AKR1E2: variants seen among roughly 807,000 people sequenced by gnomAD.
The protein encoded by AKR1E2 is aldo-keto reductase family 1 member E2.
Under a neutral mutation model 41.9 loss-of-function variants are expected in AKR1E2, and 43 were observed. That is an observed-to-expected ratio of 1.03 (90% CI 0.80 to 1.32). AKR1E2 has a LOEUF of 1.32. Among genes scored for constraint, AKR1E2 ranks in the 40% most tolerant of loss-of-function variants. The pLI, the probability that AKR1E2 is intolerant of heterozygous loss-of-function variation, is 0.00. For synonymous variants in AKR1E2, 121 were observed against 138.9 expected, an observed-to-expected ratio of 0.87 and a Z score of 0.91; for missense variants, 423 against 396.5, an observed-to-expected ratio of 1.07 and a Z score of -0.57.
chr10:4,840,403 G>C (rs1203401505), intron 6 of AKR1E2, among the ~76,000 whole-genome samples: 1 of 152,240 alleles, frequency 6.6e-6, no homozygotes, highest in Non-Finnish European at 1.5e-5. Flanking sequence ...CCTTAGTTAA[G>C]TAGCATTCCC....
intron 9 of AKR1E2, 118 bp downstream of exon 9, chr10:4,847,348 C>A (rs1007010762): frequency 1.9e-6 from 3 of 1,550,662 alleles, no homozygotes; most frequent in Admixed American, 1.9e-5. Flanking sequence ...CATTATAATT[C>A]TTTCCTGTTT....
chr10:4,866,900 G>A, the AKR1E2 span, among the ~76,000 whole-genome samples: 34,147 of 151,880 alleles, frequency 0.22, 4,058 homozygotes, highest in Middle Eastern at 0.35. Flanking sequence ...GAGTGGGGCC[G>A]GCTGATCCAT....
the AKR1E2 span, among the ~76,000 whole-genome samples, chr10:4,867,147 A>G: frequency 6.6e-6 from 1 of 152,112 alleles, no homozygotes; most frequent in Non-Finnish European, 1.5e-5. Flanking sequence ...TCAACCTACC[A>G]TCAGGAATGA....
chr10:4,828,328 G>A (rs2961569), intron 1 of AKR1E2, among the ~76,000 whole-genome samples: 131,812 of 152,148 alleles, frequency 0.87, 58,773 homozygotes, highest in East Asian at 0.98. Context: ...CAAGGGGAGC[G>A]GTGAGATGTC....
chr10:4,861,090 C>T, the AKR1E2 span, among the ~76,000 whole-genome samples: 1 of 152,154 alleles, frequency 6.6e-6, no homozygotes, highest in Non-Finnish European at 1.5e-5. Context: ...TCAAAACTTA[C>T]AAAACATTTT....
chr10:4,854,839 G>C, the AKR1E2 span, among the ~76,000 whole-genome samples: 2 of 149,786 alleles, frequency 1.3e-5, no homozygotes, highest in African/African-American at 2.4e-5. Context: ...TGGGTTAGAG[G>C]CCCAACTAAG....
the AKR1E2 span, among the ~76,000 whole-genome samples, chr10:4,854,442 G>A: frequency 1.3e-5 from 2 of 152,086 alleles, no homozygotes; most frequent in Non-Finnish European, 2.9e-5. Flanking sequence ...CTGTGGACTT[G>A]CCCTGAATTC....
chr10:4,852,688 T>C (rs538815925), downstream of AKR1E2, among the ~76,000 whole-genome samples: 3 of 152,306 alleles, frequency 2.0e-5, no homozygotes, highest in Non-Finnish European at 4.4e-5. Context: ...CAGAGATGGA[T>C]TGGCAAGGTC....
At chr10:4,837,371 T>G in intron 4 of AKR1E2, 88 bp from the exon 5 acceptor site, 1 of 1,487,380 alleles carries the variant, frequency 6.7e-7, no homozygotes, top group South Asian at 1.4e-5. Context: ...CCAACCAGTT[T>G]TAGAATACCA....
the AKR1E2 span, among the ~76,000 whole-genome samples, chr10:4,859,351 C>T: frequency 1.0e-3 from 155 of 152,262 alleles, no homozygotes; most frequent in Middle Eastern, 3.4e-3. Context: ...ATATGTGCTA[C>T]GACTACATTC....
the AKR1E2 span, among the ~76,000 whole-genome samples, chr10:4,870,460 G>A: frequency 4.0e-5 from 6 of 150,546 alleles, no homozygotes; most frequent in Admixed American, 3.3e-4. Context: ...TACTTTAGCC[G>A]TTATTTTAGG....
intron 8 of AKR1E2, among the ~76,000 whole-genome samples, chr10:4,844,443 C>A (rs111518399): frequency 6.6e-6 from 1 of 152,164 alleles, no homozygotes; most frequent in South Asian, 2.1e-4. Flanking sequence ...TGGAAGGGGA[C>A]GGGAGTGGGT....
the AKR1E2 span, among the ~76,000 whole-genome samples, chr10:4,853,096 G>A: frequency 2.6e-5 from 4 of 152,148 alleles, no homozygotes; most frequent in Non-Finnish European, 4.4e-5. Flanking sequence ...AAAGCAATGG[G>A]GAAAGTAAGC....
the AKR1E2 span, among the ~76,000 whole-genome samples, chr10:4,870,354 C>T: frequency 3.9e-5 from 6 of 152,118 alleles, no homozygotes; most frequent in South Asian, 2.1e-4. Context: ...CAATCTACTG[C>T]GTTTACCCAT....
chr10:4,866,610 G>C, the AKR1E2 span, among the ~76,000 whole-genome samples: 118 of 151,456 alleles, frequency 7.8e-4, 2 homozygotes, highest in African/African-American at 2.5e-3. Flanking sequence ...CAGTCTCTCG[G>C]AGCATTCAGG....
At chr10:4,871,940 TGAAAAG>T in the AKR1E2 span, 1 of 149,626 alleles carries the variant, frequency 6.7e-6, no homozygotes, top group Admixed American at 6.7e-5. Flanking sequence ...TGAGAAAAGC[TGAAAAG>T]GAAAGGGAAA....
At chr10:4,833,832 G>A (rs1446691521) in intron 3 of AKR1E2, among the ~76,000 whole-genome samples, 1 of 152,194 alleles carries the variant, frequency 6.6e-6, no homozygotes, top group Non-Finnish European at 1.5e-5. Flanking sequence ...GTCTCTTCTT[G>A]CAGGTTCTGT....
Position 4,837,454 on chromosome 10 carries a change from T to C in AKR1E2, c.460-5T>C, listed in dbSNP as rs775786895. The C allele has an allele frequency of 1.6e-5, 26 of 1,614,002 alleles. No individual in the cohort carries two copies. The South Asian group carries it at 1.8e-4, about 11-fold the overall frequency. On this transcript the variant is annotated splice_polypyrimidine_tract_variant and splice_region_variant and intron_variant, in intron 4 of 9. Coordinates refer to ENST00000298375, the MANE Select transcript of AKR1E2 (RefSeq NM_001040177.3). The stretch of plus-strand genomic sequence containing the variant: ...TTCACACCCAGCAGAGTCGTTCTCT[T>C]ATAGGCCATGGAGGACCTGGTGATC...
chr10:4,840,917 C>G (rs2065282140), intron 6 of AKR1E2, among the ~76,000 whole-genome samples: 1 of 152,196 alleles, frequency 6.6e-6, no homozygotes, highest in African/African-American at 2.4e-5. Flanking sequence ...ATTTATTCTT[C>G]TCTTCCCAGC....
Sources: gnomAD v4.1 joint callset for allele counts (sites outside exome capture counted in the v4.1 genomes callset) on GRCh38, gnomAD v4.1.1 for gene constraint, MANE v1.5 for transcripts, NCBI Gene and HGNC (gene_info 2026-07-23, HGNC 2026-07-21) for gene names.